Variants in TLR7 observed in about 807,000 individuals in gnomAD.
The protein encoded by TLR7 is toll like receptor 7, also known as toll-like receptor 7.
Under a neutral mutation model 38.3 loss-of-function variants are expected in TLR7, and 12 were observed. That is an observed-to-expected ratio of 0.31 (90% CI 0.20 to 0.51). TLR7 has a LOEUF of 0.51. Among genes scored for constraint, TLR7 ranks in the 20% least tolerant of loss-of-function variants. TLR7 has a pLI of 0.98. For synonymous variants in TLR7, 285 were observed against 293.8 expected (o/e 0.97, Z 0.31); for missense variants, 504 against 743.4 (o/e 0.68, Z 3.74).
intron 2 of TLR7, among the ~76,000 whole-genome samples, chrX:12,876,283 T>A (rs1361624229): frequency 1.8e-5 from 2 of 112,092 alleles, no homozygotes; most frequent in African/African-American, 6.5e-5. Flanking sequence ...TTGTAAATTT[T>A]TCCTATAAAA....
At chrX:12,885,398 G>A in intron 2 of TLR7, 114 bp from the exon 3 acceptor site, 2 of 679,971 alleles carry the variant, frequency 2.9e-6, no homozygotes, top group Non-Finnish European at 4.5e-6. Flanking sequence ...CTGAAAATAA[G>A]ACCTGAATTG....
intron 2 of TLR7, among the ~76,000 whole-genome samples, chrX:12,884,558 G>C (rs1166516260): frequency 8.9e-6 from 1 of 111,819 alleles, no homozygotes; most frequent in East Asian, 2.8e-4. Flanking sequence ...TTCCCTTTTA[G>C]GGCCTTTCTC....
At chrX:12,867,901 C>A (rs776804432) in intron 2 of TLR7, among the ~76,000 whole-genome samples, 21 of 112,610 alleles carry the variant, frequency 1.9e-4, no homozygotes, top group Non-Finnish European at 3.9e-4. Context: ...CATAACAAAT[C>A]ACTGAATTAC....
At position 12,887,139 on chromosome X, in the gene TLR7, T is replaced by G; in HGVS notation, c.1631T>G (p.Leu544Arg). The G allele has an allele frequency of 8.3e-7, 1 of 1,211,759 alleles. No individual in the cohort carries two copies. Among genetic ancestry groups the G allele is most frequent in the Non-Finnish European group, 1.1e-6 (1 of 895,255 alleles). The change falls in exon 3 of 3, where the codon CTG becomes CGG. Residue 544 changes from leucine to arginine, a missense_variant. Physicochemically the swap from Leu to Arg is moderately radical, Grantham distance 102. Coordinates refer to ENST00000380659, the MANE Select transcript of TLR7 (RefSeq NM_016562.4). ...NGSEFQPLAE[L>R]RYLDFSNNRL... ...AGTGAATTCCAACCTTTAGCAGAGC[T>G]GAGATATTTGGACTTCTCCAACAAC...
At chrX:12,878,040 C>T (rs780677210) in intron 2 of TLR7, among the ~76,000 whole-genome samples, 2 of 111,886 alleles carry the variant, frequency 1.8e-5, no homozygotes, top group East Asian at 5.6e-4. Context: ...AAGTGTTCTC[C>T]ATCTATAGGG....
intron 2 of TLR7, among the ~76,000 whole-genome samples, chrX:12,883,903 T>C (rs2042901217): frequency 9.0e-6 from 1 of 111,226 alleles, no homozygotes; most frequent in Admixed American, 9.5e-5. Flanking sequence ...ACCTGAAAAA[T>C]CCCTTCTGAG....
chrX:12,885,110 G>A (rs1433517765), intron 2 of TLR7, among the ~76,000 whole-genome samples: 3 of 112,306 alleles, frequency 2.7e-5, no homozygotes, highest in East Asian at 5.5e-4. Context: ...TTAGCAGGCC[G>A]ACATAAATTG....
intron 2 of TLR7, among the ~76,000 whole-genome samples, chrX:12,871,334 C>A (rs968524040): frequency 8.9e-6 from 1 of 112,350 alleles, no homozygotes; most frequent in African/African-American, 3.2e-5. Flanking sequence ...TCAGCAACTT[C>A]CCTTATTCAC....
chrX:12,875,956 ATT>A (rs60411052), intron 2 of TLR7, among the ~76,000 whole-genome samples: 7 of 95,990 alleles, frequency 7.3e-5, no homozygotes, highest in Admixed American at 1.1e-4. Flanking sequence ...TAAACACACC[ATT>A]TTTTTTTTTT....
Position 12,874,572 on chromosome X carries a change from G to A in TLR7, c.3+6991G>A, listed in dbSNP as rs150756733. Among the ~76,000 whole-genome samples, 76 of 111,275 alleles carry A rather than the reference G, an allele frequency of 6.8e-4. 1 individual carries two copies. Among genetic ancestry groups the A allele is most frequent in the African/African-American group, 2.4e-3 (75 of 30,643 alleles). On this transcript the variant is annotated intron_variant, in intron 2 of 2. Transcript: ENST00000380659. ...CTCTACACCAACCATTAGAGTCATA[G>A]AATAAGCACAATAGAAAAGGACCAT...
chrX:12,877,590 T>C (rs1301589195), intron 2 of TLR7: 1 of 110,859 alleles, frequency 9.0e-6, no homozygotes, highest in African/African-American at 3.3e-5. Context: ...GGCTCAACTA[T>C]TGAGCATAGG....
chrX:12,886,006 G>GA lies in TLR7; in HGVS notation c.500dup (p.Asn167LysfsTer48). 8.3e-7 allele frequency: 1 copy of GA among 1,211,806 alleles called. No homozygotes were observed. ...ACAACATCTTTTCCATCAGAAAAGA[G>GA]AATCTAACAGAACTGGCCAACATAG... On this transcript the variant is annotated frameshift_variant, in exon 3 of 3. Transcript: ENST00000380659. LOFTEE classifies it high-confidence loss of function.
rs1437914908 is a variant in TLR7, at chrX:12,888,915, G to C, written c.*257G>C. On this transcript the variant is annotated 3_prime_UTR_variant, in exon 3 of 3. Transcript: ENST00000380659. ...TCACCTCAGCTCCTGTAAAAGAGTGGCAAGTAAAAAACATGGGGCTCTGAT... is the reference window on the plus strand; with the variant it reads ...TCACCTCAGCTCCTGTAAAAGAGTGCCAAGTAAAAAACATGGGGCTCTGAT... The C allele has an allele frequency of 7.1e-6, 2 of 281,216 alleles. No individual in the cohort carries two copies. The highest frequency in any genetic ancestry group is 5.6e-5 in the African/African-American group (2 of 35,829). The allele number at this position is 281,216 out of a possible 1,213,427, so 23.2% of individuals were successfully genotyped here. A position where few individuals can be genotyped will look rare whatever the true frequency, so the allele number is the denominator to read the frequency against.
At chrX:12,873,318 C>T (rs886420122) in intron 2 of TLR7, among the ~76,000 whole-genome samples, 10 of 112,216 alleles carry the variant, frequency 8.9e-5, no homozygotes, top group Non-Finnish European at 1.5e-4. Context: ...TTTTCTTTTT[C>T]AGTAACACTT....
chrX:12,867,542 C>T lies in TLR7; in HGVS notation c.-37C>T. 3 of 1,204,628 alleles carry T rather than the reference C, an allele frequency of 2.5e-6. No homozygotes were observed. Among genetic ancestry groups the T allele is most frequent in the Non-Finnish European group, 3.4e-6 (3 of 889,457 alleles). On this transcript the variant is annotated 5_prime_UTR_variant, in exon 2 of 3. Transcript: ENST00000380659. Reference sequence around the variant, plus strand: ...ACCTCTCATGCTCTGCTCTCTTCAACCAGACCTCTACATTCCATTTTGGAA... The same window carrying T: ...ACCTCTCATGCTCTGCTCTCTTCAATCAGACCTCTACATTCCATTTTGGAA...
chrX:12,876,287 T>C (rs1414331812), intron 2 of TLR7, among the ~76,000 whole-genome samples: 1 of 112,054 alleles, frequency 8.9e-6, no homozygotes, highest in Non-Finnish European at 1.9e-5. Flanking sequence ...AAATTTTTCC[T>C]ATAAAAACAA....
intron 2 of TLR7, among the ~76,000 whole-genome samples, chrX:12,873,935 A>C (rs2042862233): frequency 1.8e-5 from 2 of 112,362 alleles, no homozygotes; most frequent in Admixed American, 1.9e-4. Flanking sequence ...CCCATTTTTA[A>C]CCATTCTCTC....
chrX:12,874,598 T>A (rs1317748079), intron 2 of TLR7, among the ~76,000 whole-genome samples: 1 of 111,383 alleles, frequency 9.0e-6, no homozygotes, highest in African/African-American at 3.3e-5. Context: ...AAAGGACCAT[T>A]AAGGTCAGTT....
chrX:12,879,771 G>A (rs2042884818), intron 2 of TLR7, among the ~76,000 whole-genome samples: 1 of 111,975 alleles, frequency 8.9e-6, no homozygotes. Flanking sequence ...TTAGCTGCAA[G>A]TGTGTCTGGG....
Sources: gnomAD v4.1 joint callset for allele counts (sites outside exome capture counted in the v4.1 genomes callset) on GRCh38, gnomAD v4.1.1 for gene constraint, MANE v1.5 for transcripts, NCBI Gene and HGNC (gene_info 2026-07-23, HGNC 2026-07-21) for gene names.